ANKRD60: variants seen among roughly 807,000 people sequenced by gnomAD.
The protein encoded by ANKRD60 is ankyrin repeat domain-containing protein 60.
Under a neutral mutation model 21.3 loss-of-function variants are expected in ANKRD60, and 24 were observed. The observed-to-expected ratio is 1.13, with a 90% CI of 0.82 to 1.59. The LOEUF (loss-of-function observed/expected upper bound fraction) is 1.59. Ranked by LOEUF, ANKRD60 falls within the 40% of genes most tolerant of loss-of-function variation. The pLI, the probability that ANKRD60 is intolerant of heterozygous loss-of-function variation, is 0.00. For synonymous variants in ANKRD60, 182 were observed against 199.4 expected, an observed-to-expected ratio of 0.91 and a Z score of 0.74; for missense variants, 490 against 466.7, an observed-to-expected ratio of 1.05 and a Z score of -0.46.
Position 58,228,440 on chromosome 20 carries a change from G to A in ANKRD60, c.214C>T (p.Arg72Trp), listed in dbSNP as rs1168290825. The change falls in exon 1 of 4, where the codon CGG becomes TGG. Residue 72 changes from arginine to tryptophan, a missense_variant. Transcript: ENST00000457363. The surrounding 1 kb of genome is among the most constrained non-coding windows in gnomAD (Gnocchi z 5.3). ...GGGTCACAGACGAGCCGCTGGCTCC[G>A]GCCGCGGGCACAGGCCAGGGGCTGC... is the stretch of plus-strand genomic sequence containing the variant. 5.2e-6 allele frequency: 8 copies of A among 1,540,654 alleles called. No individual in the cohort carries two copies. The highest frequency in any genetic ancestry group is 6.1e-6 in the Non-Finnish European group (7 of 1,146,218).
chr20:58,224,206 C>T (rs1259305385), intron 1 of ANKRD60, among the ~76,000 whole-genome samples: 1 of 152,160 alleles, frequency 6.6e-6, no homozygotes, highest in Non-Finnish European at 1.5e-5. Flanking sequence ...ACATCCACCC[C>T]AATTTGGACT....
intron 1 of ANKRD60, among the ~76,000 whole-genome samples, chr20:58,223,799 C>G (rs1324625957): frequency 6.6e-6 from 1 of 152,106 alleles, no homozygotes; most frequent in Non-Finnish European, 1.5e-5. Flanking sequence ...TTCACCAAAT[C>G]AAGACAATCA....
chr20:58,221,062 C>T (rs987966738), intron 3 of ANKRD60, among the ~76,000 whole-genome samples: 3 of 152,152 alleles, frequency 2.0e-5, no homozygotes, highest in South Asian at 2.1e-4. Context: ...TTATAGCTGC[C>T]GCCTGTGTCT....
chr20:58,222,250 G>A (rs138163678), intron 2 of ANKRD60, among the ~76,000 whole-genome samples: 11 of 152,218 alleles, frequency 7.2e-5, no homozygotes, highest in African/African-American at 2.2e-4. Context: ...GAGGAGGAGC[G>A]GGAGGGACTA....
In ANKRD60 at chr20:58,218,630, G is replaced by A. The variant is rs61736024; in HGVS notation, c.903C>T (p.Ser301=). Residue 301 remains serine, a synonymous_variant, in exon 4 of 4, where the codon AGC becomes AGT. Coordinates refer to ENST00000457363, the Ensembl canonical transcript of ANKRD60. ...GGTGGAGGAGGACCATCTGCCTCTC[G>A]CTCAGTGTGTGGTTCAGGCGGTGTG... is the stretch of plus-strand genomic sequence containing the variant. The A allele has an allele frequency of 1.1e-3, 1,730 of 1,551,778 alleles. 18 individuals carry two copies. In the African/African-American group the frequency reaches 0.02, roughly 18 times the overall value.
chr20:58,221,279 C>A, intron 3 of ANKRD60, 59 bp downstream of exon 3: 1 of 1,514,622 alleles, frequency 6.6e-7, no homozygotes, highest in Non-Finnish European at 8.9e-7. Flanking sequence ...GACACTCTGT[C>A]CTTTCTACCT....
intron 1 of ANKRD60, among the ~76,000 whole-genome samples, chr20:58,226,053 G>C (rs1457055589): frequency 1.3e-5 from 2 of 152,188 alleles, no homozygotes; most frequent in Admixed American, 6.5e-5. Flanking sequence ...TTCGGTTCTG[G>C]GTTCTGATTC....
intron 1 of ANKRD60, among the ~76,000 whole-genome samples, chr20:58,226,264 T>A (rs1984362026): frequency 6.6e-6 from 1 of 152,150 alleles, no homozygotes; most frequent in African/African-American, 2.4e-5. Context: ...CTGTTTGGGG[T>A]CCTGATGTGA....
intron 1 of ANKRD60, among the ~76,000 whole-genome samples, chr20:58,227,388 AC>A (rs1444405843): frequency 9.2e-5 from 14 of 151,592 alleles, no homozygotes; most frequent in African/African-American, 2.7e-4. Context: ...TCCTTGCAAG[AC>A]AAAAGTGGCT....
In ANKRD60 at chr20:58,222,597, G is replaced by T. The variant is rs544278303; in HGVS notation, c.561+455C>A. 4.6e-5 allele frequency among the ~76,000 whole-genome samples: 7 copies of T among 152,300 alleles called. No homozygotes were observed. The South Asian group carries it at 1.2e-3, about 27-fold the overall frequency. ...GAGCCCAGCTGAGAGGCCAGCAGGA[G>T]CCCTGGAGGACAGAGCGCCCGCCGC... On this transcript the variant is annotated intron_variant, in intron 2 of 3. Coordinates refer to ENST00000457363, the Ensembl canonical transcript of ANKRD60.
chr20:58,218,720 G>A (rs1984185109), exon 4 of ANKRD60: 3 of 1,551,694 alleles, frequency 1.9e-6, no homozygotes, highest in Non-Finnish European at 1.7e-6. Context: ...GCTGGAGCAG[G>A]AGGATTATAC....
intron 2 of ANKRD60, among the ~76,000 whole-genome samples, chr20:58,221,859 A>G (rs1391572534): frequency 6.6e-6 from 1 of 152,214 alleles, no homozygotes; most frequent in Non-Finnish European, 1.5e-5. Flanking sequence ...ATGGCCTCCC[A>G]GAGGGTGACA....
chr20:58,226,913 G>A (rs183699811), intron 1 of ANKRD60, among the ~76,000 whole-genome samples: 5 of 152,102 alleles, frequency 3.3e-5, no homozygotes, highest in African/African-American at 7.2e-5. Flanking sequence ...TGCACAAATG[G>A]TTAGTTGGAG....
intron 3 of ANKRD60, 85 bp downstream of exon 3, chr20:58,221,253 A>C: frequency 7.2e-7 from 1 of 1,395,888 alleles, no homozygotes; most frequent in Non-Finnish European, 9.7e-7. Flanking sequence ...CACTGCTGGA[A>C]GGACTGGGAA....
At chr20:58,218,843 G>A (rs596084) in intron 3 of ANKRD60, 38 bp from the exon 4 acceptor site, 1,300,508 of 1,494,182 alleles carry the variant, frequency 0.87, 575,160 homozygotes, top group Non-Finnish European at 0.91. Flanking sequence ...GAAGACATGC[G>A]GAGGGGGAAC....
rs1328021848 is a variant in ANKRD60, at chr20:58,228,423, G to C, written c.231C>G (p.Val77=). The change falls in exon 1 of 4, where the codon GTC becomes GTG. Residue 77 remains valine (V), a synonymous_variant. Coordinates refer to ENST00000457363, the Ensembl canonical transcript of ANKRD60. The surrounding 1 kb of genome is among the most constrained non-coding windows in gnomAD (Gnocchi z 5.3). ...AGGCACTCGCGGCCTTCGGGTCACA[G>C]ACGAGCCGCTGGCTCCGGCCGCGGG... 2 of 1,541,098 alleles carry C rather than the reference G, an allele frequency of 1.3e-6. No individual in the cohort carries two copies.
intron 2 of ANKRD60, 110 bp from the exon 3 acceptor site, chr20:58,221,613 C>A: frequency 8.0e-7 from 1 of 1,245,088 alleles, no homozygotes. Flanking sequence ...CAAATTAAGG[C>A]TCATGATGGG....
downstream of ANKRD60, among the ~76,000 whole-genome samples, chr20:58,216,544 A>G (rs1478550407): frequency 6.6e-6 from 1 of 152,218 alleles, no homozygotes; most frequent in East Asian, 1.9e-4. Flanking sequence ...ATATCTGCCT[A>G]TTGACTTTGC....
At chr20:58,221,006 G>A (rs968636455) in intron 3 of ANKRD60, among the ~76,000 whole-genome samples, 5 of 152,170 alleles carry the variant, frequency 3.3e-5, no homozygotes, top group South Asian at 2.1e-4. Flanking sequence ...GACAGCATGC[G>A]AATATTCCCA....
Sources: gnomAD v4.1 joint callset for allele counts (sites outside exome capture counted in the v4.1 genomes callset) on GRCh38, gnomAD v4.1.1 for gene constraint, Gnocchi (gnomAD v3.1) non-coding constraint, MANE v1.5 for transcripts, NCBI Gene and HGNC (gene_info 2026-07-23, HGNC 2026-07-21) for gene names.